Variants in NIM1K observed in about 807,000 individuals in gnomAD.
NIM1K encodes the protein NIM1 serine/threonine protein kinase, also known as serine/threonine-protein kinase NIM1.
NIM1K carries 35 observed loss-of-function variants against 37.1 expected under a neutral mutation model. The ratio of observed to expected loss-of-function variants is 0.94; its 90% CI spans 0.72 to 1.25. The LOEUF is 1.25. NIM1K is among the 50% of genes most tolerant of loss of function. The probability of loss-of-function intolerance (pLI) is 0.00; values close to 1 mark genes in which losing one functional copy is unlikely to be tolerated. For synonymous variants in NIM1K, 234 were observed against 206.6 expected (o/e 1.13, Z -1.14); for missense variants, 564 against 548.0 (o/e 1.03, Z -0.29).
rs576720009 is a variant in NIM1K, at chr5:43,228,830, CA to C, written c.-694-16247del. Among the ~76,000 whole-genome samples the C allele has an allele frequency of 1.5e-3, 230 of 151,948 alleles. 1 individual carries two copies. The highest frequency in any genetic ancestry group is 5.2e-3 in the African/African-American group (216 of 41,446). On this transcript the variant is annotated intron_variant, in intron 1 of 3. Coordinates refer to ENST00000326035, the MANE Select transcript of NIM1K (RefSeq NM_153361.4). ...TGGGTGACAGAATGAGACCGTGTCT[CA>C]AAAACAATTAATTAATTAATTAACT...
chr5:43,215,849 C>T (rs1158594408), intron 1 of NIM1K, among the ~76,000 whole-genome samples: 1 of 152,234 alleles, frequency 6.6e-6, no homozygotes, highest in Admixed American at 6.5e-5. Context: ...ACTTACTACG[C>T]TCCCTTCAGT....
At position 43,245,913 on chromosome 5, in the gene NIM1K, G is replaced by A. The variant is rs139372297; in HGVS notation, c.138G>A (p.Thr46=). The part of the protein sequence containing the change: ...EGEEGQPRQL[T]PFEKLTQDMS... ...AGGAGGGACAGCCCCGCCAGCTGAC[G>A]CCCTTCGAGAAACTGACACAGGACA... Residue 46 remains threonine (T), a synonymous_variant, in exon 2 of 4, where the codon ACG becomes ACA. Transcript: ENST00000326035. The A allele has an allele frequency of 1.3e-3, 2,152 of 1,614,150 alleles. 1 individual carries two copies. The highest frequency in any genetic ancestry group is 1.7e-3 in the Non-Finnish European group (1,989 of 1,180,028).
At chr5:43,240,346 A>T (rs2112255607) in intron 1 of NIM1K, 1 of 152,070 alleles carries the variant, frequency 6.6e-6, no homozygotes, top group Non-Finnish European at 1.5e-5. Flanking sequence ...AAGTGCTGGG[A>T]TTATAGGTGT....
chr5:43,269,138 A>G (rs888606203), intron 2 of NIM1K, among the ~76,000 whole-genome samples: 11 of 145,622 alleles, frequency 7.6e-5, no homozygotes, highest in African/African-American at 2.1e-4. Flanking sequence ...GTGAAACTCC[A>G]TCTCTACTAA....
At chr5:43,272,962 C>T (rs1245759463) in intron 2 of NIM1K, among the ~76,000 whole-genome samples, 1 of 152,152 alleles carries the variant, frequency 6.6e-6, no homozygotes, top group Admixed American at 6.5e-5. Flanking sequence ...TATTACCACC[C>T]TGGCACTAGG....
Position 43,277,208 on chromosome 5 carries a change from G to A in NIM1K, c.444G>A (p.Leu148=). The A allele has an allele frequency of 6.2e-7, 1 of 1,614,096 alleles. No homozygotes were observed. Among genetic ancestry groups the A allele is most frequent in the Non-Finnish European group, 8.5e-7 (1 of 1,180,010 alleles). The change falls in exon 3 of 4, where the codon TTG becomes TTA. Residue 148 remains leucine, a synonymous_variant. Coordinates refer to ENST00000326035, the MANE Select transcript of NIM1K (RefSeq NM_153361.4). Reference sequence around the variant, plus strand: ...TGGAGACCCTATCCAAGCTGCACTTGGTGATGGAGTATGCAGGGGGTGGGG... The same window carrying A: ...TGGAGACCCTATCCAAGCTGCACTTAGTGATGGAGTATGCAGGGGGTGGGG... The part of the protein sequence containing the change: ...EVVETLSKLH[L]VMEYAGGGEL...
chr5:43,225,875 A>G (rs1390796685), intron 1 of NIM1K: 1 of 152,362 alleles, frequency 6.6e-6, no homozygotes, highest in Non-Finnish European at 1.5e-5. Context: ...ACAGCCTGAT[A>G]TAAAAGTCAT....
chr5:43,279,937 AT>A (rs1448107001), intron 3 of NIM1K, 42 bp from the exon 4 acceptor site: 5 of 1,514,410 alleles, frequency 3.3e-6, no homozygotes, highest in Non-Finnish European at 4.5e-6. Context: ...TTATTTTGAC[AT>A]TTTACTGTAA....
At chr5:43,274,866 A>T (rs898370093) in intron 2 of NIM1K, among the ~76,000 whole-genome samples, 10 of 152,222 alleles carry the variant, frequency 6.6e-5, no homozygotes, top group African/African-American at 2.4e-4. Context: ...AAGTTTTTCA[A>T]AGCAGTTATT....
chr5:43,257,533 A>G (rs1247455988), intron 2 of NIM1K, among the ~76,000 whole-genome samples: 1 of 151,882 alleles, frequency 6.6e-6, no homozygotes, highest in Non-Finnish European at 1.5e-5. Context: ...ATGCCTGGCT[A>G]AAGAGACGGG....
intron 1 of NIM1K, among the ~76,000 whole-genome samples, chr5:43,198,128 A>ATGAT (rs1243253492): frequency 6.9e-6 from 1 of 144,886 alleles, no homozygotes; most frequent in African/African-American, 2.6e-5. Flanking sequence ...CCTGGCCAAT[A>ATGAT]TGATTTCTTT....
chr5:43,199,204 A>AAT (rs1162677436), intron 1 of NIM1K, among the ~76,000 whole-genome samples: 19 of 94,068 alleles, frequency 2.0e-4, no homozygotes, highest in African/African-American at 5.4e-4. Flanking sequence ...AAAAAAAAAA[A>AAT]ATATATATAT....
chr5:43,217,967 C>A (rs1752327020), intron 1 of NIM1K, among the ~76,000 whole-genome samples: 1 of 152,100 alleles, frequency 6.6e-6, no homozygotes, highest in Non-Finnish European at 1.5e-5. Context: ...CCACCTTGGC[C>A]TCCCAAAGTG....
intron 1 of NIM1K, among the ~76,000 whole-genome samples, chr5:43,217,646 A>G (rs1752319358): frequency 6.6e-6 from 1 of 150,722 alleles, no homozygotes; most frequent in Non-Finnish European, 1.5e-5. Context: ...AACATCCTTT[A>G]ATGTGCTTAT....
intron 2 of NIM1K, among the ~76,000 whole-genome samples, chr5:43,262,117 TTAAAG>T (rs1457571955): frequency 2.0e-5 from 3 of 152,218 alleles, no homozygotes; most frequent in Admixed American, 6.5e-5. Flanking sequence ...CATATGAACT[TTAAAG>T]TAGTTTTTTC....
chr5:43,245,764 C>A lies in NIM1K; in HGVS notation c.-12C>A, dbSNP rs762046886. 15 of 1,540,388 alleles carry A rather than the reference C, an allele frequency of 9.7e-6. No homozygotes were observed. The highest frequency in any genetic ancestry group is 2.3e-5 in the East Asian group (1 of 43,974). ...CTCTTCGCTGAGATGGAGACGTGAG[C>A]CCCCGTGGACGATGACTGCAGTGTA... On this transcript the variant is annotated 5_prime_UTR_variant, in exon 2 of 4. Transcript: ENST00000326035.
At chr5:43,207,173 C>T in intron 1 of NIM1K, 2 of 737,864 alleles carry the variant, frequency 2.7e-6, no homozygotes, top group Non-Finnish European at 5.1e-6. Context: ...TGGAAATATT[C>T]TCATCCTGAG....
chr5:43,224,199 C>T lies in NIM1K; in HGVS notation c.-694-20883C>T, dbSNP rs538899923. Among the ~76,000 whole-genome samples the T allele has an allele frequency of 5.9e-5, 9 of 152,110 alleles. No homozygotes were observed. In the East Asian group the frequency reaches 1.5e-3, roughly 26 times the overall value. ...GATTACAGGCGTGAGCCACCGCACC[C>T]GGCCTATTTTCATCACTGAATACAA... On this transcript the variant is annotated intron_variant, in intron 1 of 3. Transcript: ENST00000326035.
intron 1 of NIM1K, among the ~76,000 whole-genome samples, chr5:43,215,163 C>A (rs890903900): frequency 6.6e-6 from 1 of 152,294 alleles, no homozygotes; most frequent in Middle Eastern, 3.4e-3. Context: ...GCCAAAAATA[C>A]CGGGTCAATT....
Sources: allele counts gnomAD v4.1 joint callset (sites outside exome capture counted in the v4.1 genomes callset), GRCh38; gene constraint gnomAD v4.1.1; transcripts MANE v1.5; gene names NCBI Gene and HGNC (gene_info 2026-07-23, HGNC 2026-07-21).